Variants in HYDIN observed in about 807,000 individuals in gnomAD.
The protein encoded by HYDIN is HYDIN axonemal central pair apparatus protein.
Under a neutral mutation model 403.9 loss-of-function variants are expected in HYDIN, and 132 were observed. The ratio of observed to expected loss-of-function variants is 0.33; its 90% CI spans 0.28 to 0.38. The LOEUF is 0.38. Among genes scored for constraint, HYDIN ranks in the 10% least tolerant of loss-of-function variants. HYDIN has a pLI of 1.00. For synonymous variants in HYDIN, 1,202 were observed against 1,891.7 expected, an observed-to-expected ratio of 0.64 and a Z score of 9.46; for missense variants, 2,827 against 5,009.5, an observed-to-expected ratio of 0.56 and a Z score of 13.15.
At chr16:71,196,623 A>G (rs552214869) in intron 1 of HYDIN, among the ~76,000 whole-genome samples, 1 of 152,278 alleles carries the variant, frequency 6.6e-6, no homozygotes, top group East Asian at 1.9e-4. Flanking sequence ...AATGAGGCTG[A>G]GACCTCCTAG....
chr16:70,922,091 T>A (rs917760668), intron 45 of HYDIN, among the ~76,000 whole-genome samples: 1 of 152,188 alleles, frequency 6.6e-6, no homozygotes, highest in Non-Finnish European at 1.5e-5. Context: ...CCTCTCTAAG[T>A]TCAGGCCAGC....
intron 83 of HYDIN, 131 bp from the exon 84 acceptor site, chr16:70,818,703 A>C (rs1444739243): frequency 2.9e-5 from 17 of 578,568 alleles, no homozygotes. Flanking sequence ...CCAGGCTGAC[A>C]GGACGCTCGC....
At chr16:70,965,761 TG>T (rs1245596135) in intron 36 of HYDIN, among the ~76,000 whole-genome samples, 1 of 151,632 alleles carries the variant, frequency 6.6e-6, no homozygotes, top group Admixed American at 6.6e-5. Context: ...ATAGGCTCCA[TG>T]TAAAATAAGA....
intron 23 of HYDIN, among the ~76,000 whole-genome samples, chr16:71,002,797 C>A (rs2079763261): frequency 6.6e-6 from 1 of 150,972 alleles, no homozygotes; most frequent in African/African-American, 2.4e-5. Flanking sequence ...CCTGCCTCAG[C>A]CTCCCAAGTA....
intron 78 of HYDIN, among the ~76,000 whole-genome samples, chr16:70,834,882 G>A (rs1415563545): frequency 6.7e-6 from 1 of 148,508 alleles, no homozygotes; most frequent in African/African-American, 2.5e-5. Flanking sequence ...ATATGTGTGT[G>A]TGTGTGTGTA....
At chr16:70,883,102 C>G (rs1229224267) in intron 59 of HYDIN, among the ~76,000 whole-genome samples, 11 of 152,258 alleles carry the variant, frequency 7.2e-5, no homozygotes, top group Admixed American at 4.6e-4. Context: ...CTCCAGTGAG[C>G]ATTTTTCTCC....
At chr16:70,992,701 C>T (rs2144048274) in intron 23 of HYDIN, among the ~76,000 whole-genome samples, 1 of 151,810 alleles carries the variant, frequency 6.6e-6, no homozygotes. Flanking sequence ...GGGTTTCTTA[C>T]ATGACCTTGC....
intron 18 of HYDIN, among the ~76,000 whole-genome samples, chr16:71,051,645 C>CAAAAA (rs56676777): frequency 0.02 from 2,323 of 118,796 alleles, no homozygotes; most frequent in African/African-American, 0.024. Context: ...GACTCTGTCT[C>CAAAAA]AAAAAAAAAA....
At chr16:70,957,358 G>A (rs4643326) in intron 39 of HYDIN, among the ~76,000 whole-genome samples, 9 of 139,844 alleles carry the variant, frequency 6.4e-5, no homozygotes, top group African/African-American at 1.4e-4. Context: ...ATGGAGTCTC[G>A]CCCTGTAGCC....
chr16:71,045,256 C>T (rs1306098860), intron 18 of HYDIN, among the ~76,000 whole-genome samples: 1 of 152,138 alleles, frequency 6.6e-6, no homozygotes, highest in East Asian at 1.9e-4. Context: ...CTTTGTTGCT[C>T]CCCAGTTTCT....
At chr16:71,203,483 G>C (rs1286511542) in intron 1 of HYDIN, among the ~76,000 whole-genome samples, 1 of 152,118 alleles carries the variant, frequency 6.6e-6, no homozygotes, top group Non-Finnish European at 1.5e-5. Context: ...TTCCAAGCAA[G>C]TTAAAAATGC....
At chr16:70,979,790 G>T (rs555395765) in intron 29 of HYDIN, among the ~76,000 whole-genome samples, 1 of 152,200 alleles carries the variant, frequency 6.6e-6, no homozygotes, top group Non-Finnish European at 1.5e-5. Context: ...TGGGCATGGT[G>T]GTGTGTGGCT....
chr16:71,022,374 T>A (rs2080528974), intron 21 of HYDIN, among the ~76,000 whole-genome samples: 2 of 152,182 alleles, frequency 1.3e-5, no homozygotes, highest in South Asian at 2.1e-4. Flanking sequence ...TGGCTGCTAG[T>A]TTCAATTGAC....
chr16:70,836,895 T>C (rs1056078301), intron 77 of HYDIN, among the ~76,000 whole-genome samples: 111 of 152,322 alleles, frequency 7.3e-4, no homozygotes, highest in African/African-American at 2.4e-3. Flanking sequence ...ATCAATGGCA[T>C]CAGAAGCGAC....
chr16:71,050,024 T>TGG (rs1423259332), intron 18 of HYDIN, among the ~76,000 whole-genome samples: 1 of 147,638 alleles, frequency 6.8e-6, no homozygotes, highest in Non-Finnish European at 1.5e-5. Context: ...ACACACTGGT[T>TGG]GGGGTGTGTG....
At chr16:71,051,663 AAAAAAC>A (rs1220329180) in intron 18 of HYDIN, among the ~76,000 whole-genome samples, 6 of 111,740 alleles carry the variant, frequency 5.4e-5, no homozygotes, top group African/African-American at 1.3e-4. Flanking sequence ...AAAAAAACAA[AAAAAAC>A]AAAAAAAAGA....
rs770601950 is a variant in HYDIN at position 71,175,800 on chromosome 16, G to A, written c.382-59C>T. On this transcript the variant is annotated intron_variant, in intron 4 of 85. Transcript: ENST00000393567. The stretch of plus-strand genomic sequence containing the variant: ...ATGTGAAAAAGCAGAGTTAAACACA[G>A]ACTGAAATCCATCAACTACTTACTA... 2.6e-6 allele frequency: 4 copies of A among 1,568,600 alleles called. No homozygotes were observed. In the South Asian group the frequency reaches 4.4e-5, roughly 17 times the overall value.
chr16:70,844,538 G>C (rs1055986298), intron 75 of HYDIN, among the ~76,000 whole-genome samples: 61 of 138,924 alleles, frequency 4.4e-4, no homozygotes, highest in Non-Finnish European at 3.7e-4. Flanking sequence ...CTCTTTTTTG[G>C]TTCCATATGA....
In HYDIN at chr16:70,829,640, T is replaced by C; in HGVS notation, c.14090A>G (p.Asn4697Ser). The C allele has an allele frequency of 6.2e-7, 1 of 1,613,350 alleles. No homozygotes were observed. The highest frequency in any genetic ancestry group is 8.5e-7 in the Non-Finnish European group (1 of 1,179,816). The change falls in exon 81 of 86, where the codon AAC (asparagine) becomes AGC (serine). Residue 4697 changes from asparagine to serine, a missense_variant. Asn to Ser is a conservative substitution (Grantham distance 46). Coordinates refer to ENST00000393567, the MANE Select transcript of HYDIN (RefSeq NM_001270974.2). ...TACCTGGTGCTTGCGGTTCTCCAAG[T>C]TCATGGTGCGGGGCCTGTAGGTGAT... The part of the protein sequence containing the change: ...YEITYRPRTM[N>S]LENRKHQGTL...
Sources: gnomAD v4.1 joint callset for allele counts (sites outside exome capture counted in the v4.1 genomes callset) on GRCh38, gnomAD v4.1.1 for gene constraint, MANE v1.5 for transcripts, NCBI Gene and HGNC (gene_info 2026-07-23, HGNC 2026-07-21) for gene names.